Variants in RAP1A observed in about 807,000 individuals in gnomAD.
The protein encoded by RAP1A is ras-related protein Rap-1A.
RAP1A carries 6 observed loss-of-function variants against 26.4 expected under a neutral mutation model. The observed-to-expected ratio is 0.23, with a 90% CI of 0.12 to 0.45. The LOEUF is 0.45. Ranked by LOEUF, RAP1A falls within the 20% of genes least tolerant of loss-of-function variation. The pLI, the probability that RAP1A is intolerant of heterozygous loss-of-function variation, is 0.99. For synonymous variants in RAP1A, 73 were observed against 79.4 expected, an observed-to-expected ratio of 0.92 and a Z score of 0.43; for missense variants, 121 against 217.2, an observed-to-expected ratio of 0.56 and a Z score of 2.78.
chr1:111,692,493 G>A (rs775670157), intron 2 of RAP1A, among the ~76,000 whole-genome samples: 9 of 152,126 alleles, frequency 5.9e-5, no homozygotes, highest in Non-Finnish European at 1.3e-4. Flanking sequence ...TTTCAATTCA[G>A]CGATTCCCTC....
chr1:111,708,779 GTGTA>G (rs1328462453), intron 6 of RAP1A, among the ~76,000 whole-genome samples: 3 of 152,340 alleles, frequency 2.0e-5, no homozygotes, highest in Non-Finnish European at 4.4e-5. Flanking sequence ...GCACGTGTGT[GTGTA>G]TGTATGTGTA....
At chr1:111,658,807 C>T (rs2101152679) in intron 1 of RAP1A, among the ~76,000 whole-genome samples, 1 of 152,350 alleles carries the variant, frequency 6.6e-6, no homozygotes, top group East Asian at 1.9e-4. Context: ...GATTTTCTGC[C>T]TGCCGGATCT....
intron 1 of RAP1A, among the ~76,000 whole-genome samples, chr1:111,590,445 G>T (rs1658449061): frequency 6.6e-6 from 1 of 152,084 alleles, no homozygotes; most frequent in South Asian, 2.1e-4. Flanking sequence ...TATCAAGTTA[G>T]GGAATTTCCC....
chr1:111,647,990 A>G (rs1660125396), intron 1 of RAP1A, among the ~76,000 whole-genome samples: 1 of 152,120 alleles, frequency 6.6e-6, no homozygotes, highest in Non-Finnish European at 1.5e-5. Flanking sequence ...GACTGTAAAT[A>G]CTTTTTTCTG....
At chr1:111,632,939 A>AG (rs1216695706) in intron 1 of RAP1A, among the ~76,000 whole-genome samples, 1 of 151,482 alleles carries the variant, frequency 6.6e-6, no homozygotes, top group Non-Finnish European at 1.5e-5. Context: ...AAAAAAAAAA[A>AG]AAAAAGATAC....
chr1:111,704,905 C>T (rs1662139616), intron 6 of RAP1A, among the ~76,000 whole-genome samples: 1 of 152,112 alleles, frequency 6.6e-6, no homozygotes, highest in East Asian at 1.9e-4. Context: ...TCTTACCTCA[C>T]CTTTGGTGCA....
intron 6 of RAP1A, among the ~76,000 whole-genome samples, chr1:111,705,861 CT>C (rs968885817): frequency 3.9e-5 from 6 of 152,170 alleles, no homozygotes; most frequent in African/African-American, 1.4e-4. Flanking sequence ...GATGTGGTTC[CT>C]TGCTGTCCTT....
intron 1 of RAP1A, among the ~76,000 whole-genome samples, chr1:111,562,007 C>T (rs2101048572): frequency 6.6e-6 from 1 of 152,234 alleles, no homozygotes; most frequent in East Asian, 1.9e-4. Flanking sequence ...TTCAAACCCT[C>T]CACACTCTGA....
intron 1 of RAP1A, among the ~76,000 whole-genome samples, chr1:111,567,374 A>G (rs1278076092): frequency 6.6e-6 from 1 of 152,174 alleles, no homozygotes; most frequent in Admixed American, 6.5e-5. Context: ...GAAGCTGGAA[A>G]CTTTGTCAGC....
At chr1:111,587,297 C>T (rs974273310) in intron 1 of RAP1A, among the ~76,000 whole-genome samples, 1 of 152,172 alleles carries the variant, frequency 6.6e-6, no homozygotes, top group Non-Finnish European at 1.5e-5. Flanking sequence ...ACCCTCAACA[C>T]CTTCATCACC....
intron 7 of RAP1A, among the ~76,000 whole-genome samples, chr1:111,709,507 TAC>T (rs1485878315): frequency 6.6e-6 from 1 of 152,184 alleles, no homozygotes; most frequent in Non-Finnish European, 1.5e-5. Context: ...CAGTGCTTGA[TAC>T]AGAGTTGGGT....
intron 1 of RAP1A, among the ~76,000 whole-genome samples, chr1:111,672,608 A>C (rs542005299): frequency 5.9e-5 from 9 of 152,288 alleles, no homozygotes; most frequent in African/African-American, 1.9e-4. Flanking sequence ...GCAGCCTAAC[A>C]CTTAGGACTC....
chr1:111,703,249 C>A, intron 4 of RAP1A, 87 bp from the exon 5 acceptor site: 1 of 915,892 alleles, frequency 1.1e-6, no homozygotes, highest in Non-Finnish European at 1.5e-6. Context: ...AAAAATGTTA[C>A]TCACTTGTAA....
chr1:111,712,334 A>AT (rs970237280), intron 7 of RAP1A, 97 bp from the exon 8 acceptor site: 1 of 152,294 alleles, frequency 6.6e-6, no homozygotes, highest in African/African-American at 2.4e-5. Context: ...TAAAATCATT[A>AT]TTTTTTTATT....
upstream of RAP1A, among the ~76,000 whole-genome samples, chr1:111,616,338 TCCTCAA>T (rs1659014030): frequency 6.6e-6 from 1 of 152,156 alleles, no homozygotes; most frequent in South Asian, 2.1e-4. Flanking sequence ...GCAATCCAGT[TCCTCAA>T]CCTCTCCAAA....
chr1:111,687,977 C>G (rs1002339993), intron 1 of RAP1A, among the ~76,000 whole-genome samples: 2 of 139,942 alleles, frequency 1.4e-5, no homozygotes, highest in Non-Finnish European at 3.0e-5. Context: ...ATGATCACAC[C>G]GCTGTATTCC....
intron 7 of RAP1A, among the ~76,000 whole-genome samples, chr1:111,709,750 T>C (rs1662319751): frequency 6.6e-6 from 1 of 152,246 alleles, no homozygotes; most frequent in Non-Finnish European, 1.5e-5. Context: ...CTTTGAACTT[T>C]ACATAAACAA....
At chr1:111,611,531 AT>A (rs1161953840) in intron 1 of RAP1A, among the ~76,000 whole-genome samples, 10 of 152,268 alleles carry the variant, frequency 6.6e-5, no homozygotes, top group African/African-American at 1.9e-4. Context: ...TATCTTTCCT[AT>A]AAAAATAGCT....
chr1:111,648,173 CAGTGTGTG>C (rs1465397403), intron 1 of RAP1A: 6 of 193,266 alleles, frequency 3.1e-5, no homozygotes, highest in African/African-American at 2.2e-4. Context: ...CAGGTTCAAA[CAGTGTGTG>C]TGTGTGTGTG....
Sources: gnomAD v4.1 joint callset for allele counts (sites outside exome capture counted in the v4.1 genomes callset) on GRCh38, gnomAD v4.1.1 for gene constraint, MANE v1.5 for transcripts, NCBI Gene and HGNC (gene_info 2026-07-23, HGNC 2026-07-21) for gene names.